Variants in REEP1 observed in about 807,000 individuals in gnomAD.
REEP1 encodes the protein receptor accessory protein 1, also known as receptor expression-enhancing protein 1.
Under a neutral mutation model 40.3 loss-of-function variants are expected in REEP1, and 22 were observed. The observed-to-expected ratio is 0.55, with a 90% confidence interval of 0.39 to 0.78. The LOEUF (loss-of-function observed/expected upper bound fraction) is 0.78. Among genes scored for constraint, REEP1 ranks in the 30% least tolerant of loss-of-function variants. REEP1 has a pLI of 0.00. For missense variants in REEP1, 280 were observed against 361.1 expected, an observed-to-expected ratio of 0.78 and a Z score of 1.82; for synonymous variants, 116 against 139.2, an observed-to-expected ratio of 0.83 and a Z score of 1.17.
At chr2:86,327,425 G>A (rs375703993) in intron 1 of REEP1, among the ~76,000 whole-genome samples, 82 of 152,226 alleles carry the variant, frequency 5.4e-4, no homozygotes, top group African/African-American at 1.9e-3. Context: ...GAGTGAGAGA[G>A]GGGAGGCCAC....
At chr2:86,318,653 G>A (rs1195644135) in intron 1 of REEP1, among the ~76,000 whole-genome samples, 2 of 151,918 alleles carry the variant, frequency 1.3e-5, no homozygotes, top group South Asian at 2.1e-4. Context: ...TTGCCTTGGC[G>A]TTCCAAAGTG....
chr2:86,334,351 C>T (rs1469856882), intron 1 of REEP1, among the ~76,000 whole-genome samples: 2 of 152,160 alleles, frequency 1.3e-5, no homozygotes, highest in Non-Finnish European at 2.9e-5. Context: ...TTTGATGTGA[C>T]AGAGGCTTAC....
intron 4 of REEP1, among the ~76,000 whole-genome samples, chr2:86,253,162 T>G (rs537053869): frequency 6.6e-5 from 10 of 152,132 alleles, no homozygotes; most frequent in African/African-American, 2.4e-4. Context: ...GTGCCTATAG[T>G]CCCAGCTACC....
At chr2:86,221,870 G>A (rs957610688) in intron 7 of REEP1, among the ~76,000 whole-genome samples, 2 of 152,126 alleles carry the variant, frequency 1.3e-5, no homozygotes, top group Non-Finnish European at 2.9e-5. Context: ...TGCCTGGCAG[G>A]AGGGAAAAAA....
chr2:86,273,183 T>C (rs1216071420), intron 2 of REEP1, among the ~76,000 whole-genome samples: 1 of 152,024 alleles, frequency 6.6e-6, no homozygotes, highest in Admixed American at 6.6e-5. Flanking sequence ...GGTGACTTTC[T>C]TTCCTAGTTT....
intron 1 of REEP1, among the ~76,000 whole-genome samples, chr2:86,314,845 A>G (rs2104496005): frequency 6.6e-6 from 1 of 150,710 alleles, no homozygotes; most frequent in Non-Finnish European, 1.5e-5. Flanking sequence ...GGCATGCGCC[A>G]CCATACCCAG....
At chr2:86,267,053 T>C (rs1342800953) in intron 2 of REEP1, among the ~76,000 whole-genome samples, 1 of 150,854 alleles carries the variant, frequency 6.6e-6, no homozygotes, top group East Asian at 1.9e-4. Context: ...AAAAATTTAC[T>C]GGGAGGCCAA....
intron 2 of REEP1, among the ~76,000 whole-genome samples, chr2:86,281,412 G>A (rs4832032): frequency 6.6e-6 from 1 of 152,136 alleles, no homozygotes; most frequent in Admixed American, 6.5e-5. Flanking sequence ...GGCAGATCAC[G>A]AGGTCAGGAG....
At chr2:86,326,755 G>A (rs753156921) in intron 1 of REEP1, among the ~76,000 whole-genome samples, 11 of 152,048 alleles carry the variant, frequency 7.2e-5, no homozygotes, top group Non-Finnish European at 1.5e-4. Context: ...TTTTAGGGTT[G>A]GACAGTTTTA....
chr2:86,243,778 G>C (rs79421797), intron 5 of REEP1, among the ~76,000 whole-genome samples: 1 of 152,220 alleles, frequency 6.6e-6, no homozygotes, highest in African/African-American at 2.4e-5. Context: ...AATGGTTGCC[G>C]TGGTGAATTC....
chr2:86,321,238 G>C (rs1399337738), intron 1 of REEP1, among the ~76,000 whole-genome samples: 1 of 152,120 alleles, frequency 6.6e-6, no homozygotes, highest in Non-Finnish European at 1.5e-5. Flanking sequence ...AAATAAATTT[G>C]AAAAATTACA....
At chr2:86,291,270 G>A (rs776404447) in intron 1 of REEP1, among the ~76,000 whole-genome samples, 12 of 152,102 alleles carry the variant, frequency 7.9e-5, no homozygotes, top group Admixed American at 1.3e-4. Context: ...TGCCTGCTTC[G>A]TTGCCTAATG....
intron 2 of REEP1, among the ~76,000 whole-genome samples, chr2:86,271,053 A>C (rs926198047): frequency 6.6e-6 from 1 of 151,918 alleles, no homozygotes; most frequent in African/African-American, 2.4e-5. Flanking sequence ...TTAGCTGGGC[A>C]TGGTGGTGAG....
At chr2:86,283,849 G>A (rs1678236287) in intron 1 of REEP1, among the ~76,000 whole-genome samples, 1 of 152,174 alleles carries the variant, frequency 6.6e-6, no homozygotes, top group Non-Finnish European at 1.5e-5. Context: ...TAAGGCAGGT[G>A]CTGGAGCCCA....
chr2:86,319,832 G>C (rs930644581), intron 1 of REEP1, among the ~76,000 whole-genome samples: 2 of 152,204 alleles, frequency 1.3e-5, no homozygotes, highest in African/African-American at 4.8e-5. Flanking sequence ...GAGGAAAAAA[G>C]ACAGACACAG....
At chr2:86,309,455 C>T (rs75053849) in intron 1 of REEP1, among the ~76,000 whole-genome samples, 4,117 of 152,362 alleles carry the variant, frequency 0.027, 98 homozygotes, top group Non-Finnish European at 0.038. Context: ...CACGGCCAAA[C>T]ACGGCCTTCA....
intron 1 of REEP1, among the ~76,000 whole-genome samples, chr2:86,322,615 T>C (rs1327439463): frequency 5.3e-5 from 8 of 152,044 alleles, no homozygotes; most frequent in Admixed American, 4.6e-4. Flanking sequence ...CATGCCTGGC[T>C]AATTTTTGTA....
intron 1 of REEP1, among the ~76,000 whole-genome samples, chr2:86,316,276 C>T (rs1161304984): frequency 5.9e-5 from 9 of 152,080 alleles, no homozygotes; most frequent in Admixed American, 4.6e-4. Context: ...CGGTGGTTCA[C>T]GCCTGTAATC....
At chr2:86,296,306 T>C (rs963397605) in intron 1 of REEP1, among the ~76,000 whole-genome samples, 2 of 152,222 alleles carry the variant, frequency 1.3e-5, no homozygotes, top group Non-Finnish European at 2.9e-5. Context: ...GTAGACATGA[T>C]TATAATTTCC....
Sources: gnomAD v4.1 joint callset for allele counts (sites outside exome capture counted in the v4.1 genomes callset) on GRCh38, gnomAD v4.1.1 for gene constraint, MANE v1.5 for transcripts, NCBI Gene and HGNC (gene_info 2026-07-23, HGNC 2026-07-21) for gene names.